The following HTR2C variants were observed in gnomAD, a reference collection of about 807,000 sequenced individuals.
The protein encoded by HTR2C is 5-hydroxytryptamine receptor 2C.
HTR2C carries 5 observed loss-of-function variants against 21.0 expected under a neutral mutation model. The observed-to-expected ratio is 0.24, with a 90% confidence interval of 0.12 to 0.50. HTR2C has a LOEUF of 0.50. HTR2C is among the 20% of genes least tolerant of loss of function. The pLI, the probability that HTR2C is intolerant of heterozygous loss-of-function variation, is 0.98. For synonymous variants in HTR2C, 150 were observed against 145.3 expected (o/e 1.03, Z -0.23); for missense variants, 271 against 371.2 (o/e 0.73, Z 2.22).
At chrX:114,599,634 TA>T (rs1364709197) in intron 1 of HTR2C, among the ~76,000 whole-genome samples, 1 of 111,897 alleles carries the variant, frequency 8.9e-6, no homozygotes, top group African/African-American at 3.2e-5. Flanking sequence ...ATCTAAAAGA[TA>T]AAAAAAACAT....
intron 4 of HTR2C, among the ~76,000 whole-genome samples, chrX:114,798,413 T>A (rs1291202017): frequency 1.8e-5 from 2 of 111,755 alleles, no homozygotes; most frequent in African/African-American, 6.5e-5. Flanking sequence ...ATTAATCTGA[T>A]AAATTCACAG....
At chrX:114,877,878 T>G (rs1348700816) in intron 5 of HTR2C, among the ~76,000 whole-genome samples, 1 of 110,919 alleles carries the variant, frequency 9.0e-6, no homozygotes, top group Non-Finnish European at 1.9e-5. Flanking sequence ...ACCTAACAAA[T>G]GCTCTATCCT....
At chrX:114,798,129 A>G (rs1481101996) in intron 4 of HTR2C, among the ~76,000 whole-genome samples, 1 of 111,338 alleles carries the variant, frequency 9.0e-6, no homozygotes, top group Non-Finnish European at 1.9e-5. Flanking sequence ...GATAATTAGG[A>G]AGACAATTAC....
At chrX:114,612,752 T>A (rs1297906627) in intron 1 of HTR2C, among the ~76,000 whole-genome samples, 7 of 110,864 alleles carry the variant, frequency 6.3e-5, no homozygotes, top group Non-Finnish European at 1.3e-4. Flanking sequence ...AACACTGACT[T>A]ACCTGCTATA....
intron 5 of HTR2C, among the ~76,000 whole-genome samples, chrX:114,892,605 T>C (rs2071266394): frequency 9.0e-6 from 1 of 111,072 alleles, no homozygotes; most frequent in African/African-American, 3.3e-5. Context: ...CAAACATAGA[T>C]GGTATTTCCA....
At chrX:114,814,053 C>T (rs1242906060) in intron 4 of HTR2C, among the ~76,000 whole-genome samples, 2 of 110,454 alleles carry the variant, frequency 1.8e-5, no homozygotes, top group East Asian at 5.7e-4. Flanking sequence ...TCAGCTGGGT[C>T]TTTAATTATG....
chrX:114,901,771 C>T (rs1159809141), intron 5 of HTR2C, among the ~76,000 whole-genome samples: 3 of 111,306 alleles, frequency 2.7e-5, no homozygotes, highest in African/African-American at 9.8e-5. Flanking sequence ...TTATAACTTA[C>T]CTTTGTTGGT....
chrX:114,805,376 A>G (rs1311446370), intron 4 of HTR2C, among the ~76,000 whole-genome samples: 1 of 94,463 alleles, frequency 1.1e-5, no homozygotes, highest in African/African-American at 3.8e-5. Flanking sequence ...AAGTCAATCC[A>G]TTATTACAAC....
chrX:114,690,903 C>T (rs1416776950), intron 2 of HTR2C, among the ~76,000 whole-genome samples: 1 of 111,218 alleles, frequency 9.0e-6, no homozygotes, highest in African/African-American at 3.3e-5. Context: ...GCATCGCATC[C>T]TATTTATGGA....
chrX:114,652,482 G>T (rs1930612996), intron 2 of HTR2C, among the ~76,000 whole-genome samples: 1 of 109,643 alleles, frequency 9.1e-6, no homozygotes, highest in Admixed American at 9.9e-5. Context: ...AATATAAATG[G>T]AATAGAGGTG....
intron 5 of HTR2C, among the ~76,000 whole-genome samples, chrX:114,903,846 C>T (rs1330265389): frequency 1.8e-5 from 2 of 111,794 alleles, no homozygotes; most frequent in African/African-American, 3.3e-5. Context: ...AAGCAAATTC[C>T]CCAGATTGAG....
intron 2 of HTR2C, among the ~76,000 whole-genome samples, chrX:114,628,405 A>ATTTTTTTTTTTTTTT (rs35975864): frequency 1.1e-4 from 5 of 43,905 alleles, no homozygotes; most frequent in Non-Finnish European, 1.5e-4. Context: ...TGCCAGGCTA[A>ATTTTTTTTTTTTTTT]TTTTTTTTTT....
chrX:114,816,202 A>G (rs1011663562), intron 4 of HTR2C, among the ~76,000 whole-genome samples: 3 of 110,478 alleles, frequency 2.7e-5, no homozygotes, highest in African/African-American at 9.9e-5. Context: ...TACGAATTGT[A>G]TGACCAGGAT....
chrX:114,899,743 G>A (rs2071323606), intron 5 of HTR2C, among the ~76,000 whole-genome samples: 1 of 110,691 alleles, frequency 9.0e-6, no homozygotes, highest in Non-Finnish European at 1.9e-5. Flanking sequence ...TATTTCAGTT[G>A]AAGATACTGT....
At chrX:114,807,942 A>T (rs1161489233) in intron 4 of HTR2C, among the ~76,000 whole-genome samples, 3 of 111,457 alleles carry the variant, frequency 2.7e-5, no homozygotes, top group Non-Finnish European at 5.7e-5. Flanking sequence ...AAGTGCTGGG[A>T]TTACAGGCGT....
chrX:114,666,478 T>C (rs1931182602), intron 2 of HTR2C, among the ~76,000 whole-genome samples: 1 of 112,108 alleles, frequency 8.9e-6, no homozygotes, highest in Admixed American at 9.5e-5. Context: ...TTTATGATTA[T>C]CTAATTTTGT....
chrX:114,710,802 T>G (rs1238799235), intron 2 of HTR2C, among the ~76,000 whole-genome samples: 1 of 111,186 alleles, frequency 9.0e-6, no homozygotes, highest in Non-Finnish European at 1.9e-5. Context: ...ACAGATTTAG[T>G]GACATGAACT....
chrX:114,801,575 A>G (rs917601894), intron 4 of HTR2C, among the ~76,000 whole-genome samples: 2 of 111,885 alleles, frequency 1.8e-5, no homozygotes. Context: ...GACAAATTCT[A>G]TCAAATAACT....
In HTR2C at chrX:114,606,801, T is replaced by C. The variant is rs781879835; in HGVS notation, c.-146-7014T>C. Reference sequence around the variant, plus strand: ...AAGTCACAGCACCAAATTTCATGTGTGTCCGTGTGAAGAGACCACTAAACA... The same window carrying C: ...AAGTCACAGCACCAAATTTCATGTGCGTCCGTGTGAAGAGACCACTAAACA... On this transcript the variant is annotated intron_variant, in intron 1 of 5. Coordinates refer to ENST00000276198, the MANE Select transcript of HTR2C (RefSeq NM_000868.4). 5.6e-3 allele frequency among the ~76,000 whole-genome samples: 628 copies of C among 111,280 alleles called. 10 individuals are homozygous for C. The highest frequency in any genetic ancestry group is 0.019 in the African/African-American group (586 of 30,139).
Sources: allele counts gnomAD v4.1 joint callset (sites outside exome capture counted in the v4.1 genomes callset), GRCh38; gene constraint gnomAD v4.1.1; transcripts MANE v1.5; gene names NCBI Gene and HGNC (gene_info 2026-07-23, HGNC 2026-07-21).